Variants in ADAMTS6 observed in about 807,000 individuals in gnomAD.
ADAMTS6 encodes the protein ADAM metallopeptidase with thrombospondin type 1 motif 6.
Under a neutral mutation model 144.3 loss-of-function variants are expected in ADAMTS6, and 23 were observed. The ratio of observed to expected loss-of-function variants is 0.16; its 90% CI spans 0.11 to 0.23. The LOEUF is 0.23. Among genes scored for constraint, ADAMTS6 ranks in the 10% least tolerant of loss-of-function variants. The pLI is 1.00. For missense variants in ADAMTS6, 999 were observed against 1,379.6 expected, an observed-to-expected ratio of 0.72 and a Z score of 4.37; for synonymous variants, 444 against 457.5, an observed-to-expected ratio of 0.97 and a Z score of 0.38.
chr5:65,299,655 T>C (rs1370517653), intron 10 of ADAMTS6, among the ~76,000 whole-genome samples: 3 of 152,264 alleles, frequency 2.0e-5, no homozygotes, highest in East Asian at 1.9e-4. Flanking sequence ...AAATAAAATA[T>C]GTAATCACTG....
chr5:65,372,252 A>G (rs1751026082), intron 7 of ADAMTS6, among the ~76,000 whole-genome samples: 1 of 149,430 alleles, frequency 6.7e-6, no homozygotes, highest in South Asian at 2.1e-4. Context: ...ATTCACACAT[A>G]ACAATATTAA....
chr5:65,437,603 T>C (rs1757541785), intron 7 of ADAMTS6, among the ~76,000 whole-genome samples: 2 of 152,198 alleles, frequency 1.3e-5, no homozygotes. Flanking sequence ...TCCTTTGGTA[T>C]ACTCTCAAGA....
intron 20 of ADAMTS6, among the ~76,000 whole-genome samples, chr5:65,201,083 T>C (rs1755707702): frequency 1.3e-5 from 2 of 152,162 alleles, no homozygotes; most frequent in African/African-American, 4.8e-5. Context: ...TAGCTACATA[T>C]CAAGAAATGG....
In ADAMTS6 at chr5:65,210,319, C is replaced by T. The variant is rs576932621; in HGVS notation, c.2575+4475G>A. ...TACAAAAATTAGCCGGGCATGGTGG[C>T]GCGCGCCTGTAGTCCCAGCTACACG... On this transcript the variant is annotated intron_variant, in intron 20 of 24. Transcript: ENST00000381055. The T allele has an allele frequency of 6.0e-4, 94 of 157,112 alleles. 1 individual carries two copies. In the Middle Eastern group the frequency reaches 9.4e-3, roughly 16 times the overall value. The allele number at this position is 157,112 out of a possible 1,614,324, so 9.7% of individuals were successfully genotyped here. A position where few individuals can be genotyped will look rare whatever the true frequency, so the allele number is the denominator to read the frequency against.
chr5:65,344,280 A>C (rs1189097256), intron 7 of ADAMTS6, among the ~76,000 whole-genome samples: 3 of 151,896 alleles, frequency 2.0e-5, no homozygotes, highest in Admixed American at 1.3e-4. Context: ...CTTCATTACT[A>C]TTCCAACCCT....
At chr5:65,198,289 A>G (rs1045822599) in intron 20 of ADAMTS6, among the ~76,000 whole-genome samples, 1 of 152,000 alleles carries the variant, frequency 6.6e-6, no homozygotes, top group African/African-American at 2.4e-5. Context: ...ACAGCTTCAC[A>G]CCTAGCTAAT....
intron 7 of ADAMTS6, among the ~76,000 whole-genome samples, chr5:65,442,526 A>G (rs1018867981): frequency 1.8e-4 from 27 of 152,172 alleles, no homozygotes; most frequent in Non-Finnish European, 2.9e-4. Context: ...AAAAGAAGGA[A>G]CTATCTCATA....
At chr5:65,381,738 A>G (rs1580551613) in intron 7 of ADAMTS6, among the ~76,000 whole-genome samples, 2 of 151,882 alleles carry the variant, frequency 1.3e-5, no homozygotes, top group East Asian at 3.9e-4. Context: ...TAATCCTTTG[A>G]AAGACACAGA....
At chr5:65,364,593 G>C (rs148813564) in intron 7 of ADAMTS6, among the ~76,000 whole-genome samples, 7,034 of 138,102 alleles carry the variant, frequency 0.051, 624 homozygotes, top group African/African-American at 0.19. Flanking sequence ...TTGGGACAGA[G>C]CCTTGCTCTG....
intron 20 of ADAMTS6, among the ~76,000 whole-genome samples, chr5:65,199,927 G>A (rs902136273): frequency 6.6e-6 from 1 of 152,070 alleles, no homozygotes. Context: ...TTAGCTTCAT[G>A]ATTTCAGAAT....
intron 7 of ADAMTS6, among the ~76,000 whole-genome samples, chr5:65,337,523 C>G (rs1747418235): frequency 6.6e-6 from 1 of 152,034 alleles, no homozygotes; most frequent in Admixed American, 6.6e-5. Context: ...ATGTAAAAAT[C>G]TTGAGAAATC....
Position 65,188,082 on chromosome 5 carries a change from A to G in ADAMTS6, c.2844T>C (p.Pro948=). The stretch of plus-strand genomic sequence containing the variant: ...GGTTGTTGCAGGGCTCTTTTTCGAC[A>G]GGCCGGTGTGTTAAACAACCACTGT... The part of the protein sequence containing the change: ...LDYSGCLTHR[P]VEKEPCNNQS... The change falls in exon 22 of 25, where the codon CCT becomes CCC. Residue 948 remains proline, a synonymous_variant. Coordinates refer to ENST00000381055, the MANE Select transcript of ADAMTS6 (RefSeq NM_197941.4). The G allele has an allele frequency of 6.2e-7, 1 of 1,614,122 alleles. No individual in the cohort carries two copies. The highest frequency in any genetic ancestry group is 8.5e-7 in the Non-Finnish European group (1 of 1,179,996).
Position 65,197,059 on chromosome 5 carries a change from T to A in ADAMTS6, c.2668A>T (p.Asn890Tyr). 1 of 1,613,948 alleles carries A rather than the reference T, an allele frequency of 6.2e-7. No individual in the cohort carries two copies. Among genetic ancestry groups the A allele is most frequent in the Non-Finnish European group, 8.5e-7 (1 of 1,179,876 alleles). ...YCDPDSKPPE[N>Y]QRACNTEPCP... ...GGCTCAGTGTTGCAGGCTCTTTGAT[T>A]TTCAGGTGGCTTACTGTCAGGATCA... Residue 890 changes from asparagine to tyrosine, a missense_variant, in exon 21 of 25, where the codon AAT becomes TAT. Physicochemically the swap from Asn to Tyr is moderately radical, Grantham distance 143. This residue lies in a region of ADAMTS6 where 619 missense variants were observed against 837.0 expected (regional missense o/e 0.74). Coordinates refer to ENST00000381055, the MANE Select transcript of ADAMTS6 (RefSeq NM_197941.4).
chr5:65,228,096 A>G (rs2112414539), intron 15 of ADAMTS6, among the ~76,000 whole-genome samples: 1 of 152,292 alleles, frequency 6.6e-6, no homozygotes, highest in Non-Finnish European at 1.5e-5. Context: ...AACTACTTGT[A>G]TTTATTTTTA....
In ADAMTS6 at chr5:65,472,563, A is replaced by G. The variant is rs138982217; in HGVS notation, c.97+1014T>C. ...AATTTCAGAGAACTAAATGAGGAAC[A>G]TATTTTCCTCATTTAGATGTACTAA... On this transcript the variant is annotated intron_variant, in intron 2 of 24. Transcript: ENST00000381055. Among the ~76,000 whole-genome samples the G allele has an allele frequency of 6.9e-4, 105 of 152,244 alleles. 1 individual carries two copies. The East Asian group carries it at 0.018, about 25-fold the overall frequency.
At chr5:65,477,706 A>G (rs1760934655) in intron 1 of ADAMTS6, among the ~76,000 whole-genome samples, 1 of 152,140 alleles carries the variant, frequency 6.6e-6, no homozygotes, top group Non-Finnish European at 1.5e-5. Context: ...AACACTAGTT[A>G]TAATAGCTGG....
In ADAMTS6 at chr5:65,266,735, A is replaced by C. The variant is rs145284249; in HGVS notation, c.1621-3773T>G. The stretch of plus-strand genomic sequence containing the variant: ...ACGCATACATACCTTCAAAAAAGTT[A>C]AAAACCTACGGAACAACTTGTTTGA... On this transcript the variant is annotated intron_variant, in intron 12 of 24. Coordinates refer to ENST00000381055, the MANE Select transcript of ADAMTS6 (RefSeq NM_197941.4). Among the ~76,000 whole-genome samples the C allele has an allele frequency of 5.4e-3, 826 of 152,100 alleles. 7 individuals are homozygous for C. The highest frequency in any genetic ancestry group is 0.019 in the African/African-American group (797 of 41,562).
chr5:65,164,509 C>T (rs1221166103), intron 24 of ADAMTS6, among the ~76,000 whole-genome samples: 196 of 140,704 alleles, frequency 1.4e-3, no homozygotes, highest in Non-Finnish European at 2.4e-3. Context: ...CCGGGAAGCT[C>T]GAACTGGGTG....
intron 14 of ADAMTS6, among the ~76,000 whole-genome samples, chr5:65,258,640 A>G (rs1760899798): frequency 6.6e-6 from 1 of 152,222 alleles, no homozygotes; most frequent in African/African-American, 2.4e-5. Context: ...TAGTGAAGTT[A>G]GGCAGCACCT....
Sources: allele counts gnomAD v4.1 joint callset (sites outside exome capture counted in the v4.1 genomes callset), GRCh38; gene constraint gnomAD v4.1.1; regional missense constraint gnomAD v4.1.1; transcripts MANE v1.5; gene names NCBI Gene and HGNC (gene_info 2026-07-23, HGNC 2026-07-21).